PID1: variants seen among roughly 807,000 people sequenced by gnomAD.
The protein encoded by PID1 is PTB-containing, cubilin and LRP1-interacting protein.
PID1 carries 10 observed loss-of-function variants against 19.1 expected under a neutral mutation model. The ratio of observed to expected loss-of-function variants is 0.52; its 90% CI spans 0.32 to 0.89. The LOEUF is 0.89. Among genes scored for constraint, PID1 ranks in the 40% least tolerant of loss-of-function variants. PID1 has a pLI of 0.03. For missense variants in PID1, 248 were observed against 285.3 expected (o/e 0.87, Z 0.94); for synonymous variants, 130 against 116.0 (o/e 1.12, Z -0.78).
chr2:229,088,351 T>C (rs548558980), intron 2 of PID1, among the ~76,000 whole-genome samples: 1 of 152,092 alleles, frequency 6.6e-6, no homozygotes, highest in South Asian at 2.1e-4. Flanking sequence ...ATGCCTTAGA[T>C]AAGAAATCCC....
chr2:229,037,808 G>A (rs910196611), intron 2 of PID1, among the ~76,000 whole-genome samples: 3 of 152,082 alleles, frequency 2.0e-5, no homozygotes, highest in African/African-American at 4.8e-5. Context: ...GCTGAAAAGC[G>A]ACAGAAATTC....
At chr2:229,192,428 T>C (rs771209189) in intron 1 of PID1, among the ~76,000 whole-genome samples, 20 of 152,228 alleles carry the variant, frequency 1.3e-4, no homozygotes, top group Non-Finnish European at 2.8e-4. Context: ...ACTGTAGACC[T>C]TTGTGATCTC....
At chr2:229,236,977 TACACACACATACACACACACACAC>T (rs1171983168) in intron 1 of PID1, among the ~76,000 whole-genome samples, 2 of 56,666 alleles carry the variant, frequency 3.5e-5, no homozygotes, top group Non-Finnish European at 8.4e-5. Flanking sequence ...CCTTCTCCTT[TACACACACATACACACACACACAC>T]ACACACACAC....
At chr2:229,084,103 C>G (rs138299066) in intron 2 of PID1, among the ~76,000 whole-genome samples, 41 of 152,306 alleles carry the variant, frequency 2.7e-4, no homozygotes, top group African/African-American at 8.2e-4. Flanking sequence ...ATTCTGCTGG[C>G]TGACACAGTG....
intron 2 of PID1, among the ~76,000 whole-genome samples, chr2:229,132,330 T>C (rs138183799): frequency 7.9e-4 from 121 of 152,294 alleles, no homozygotes; most frequent in African/African-American, 2.7e-3. Context: ...ACTTACAGGA[T>C]GGGCTATCAC....
At chr2:229,073,718 T>C (rs902958469) in intron 2 of PID1, among the ~76,000 whole-genome samples, 5 of 152,220 alleles carry the variant, frequency 3.3e-5, no homozygotes, top group African/African-American at 7.2e-5. Flanking sequence ...TGAATTTAAC[T>C]AAAATTAAGT....
chr2:229,237,562 T>C (rs1179041470), intron 1 of PID1, among the ~76,000 whole-genome samples: 2 of 152,176 alleles, frequency 1.3e-5, no homozygotes, highest in East Asian at 1.9e-4. Context: ...AGCTGTTCAC[T>C]TGCTTCTAAT....
At chr2:229,188,564 CCT>C (rs1691183460) in intron 1 of PID1, among the ~76,000 whole-genome samples, 1 of 151,886 alleles carries the variant, frequency 6.6e-6, no homozygotes, top group Non-Finnish European at 1.5e-5. Flanking sequence ...ATAGTGAAAC[CCT>C]GTCTCTACTA....
At chr2:229,198,675 G>A (rs1213915045) in intron 1 of PID1, among the ~76,000 whole-genome samples, 1 of 151,984 alleles carries the variant, frequency 6.6e-6, no homozygotes, top group Non-Finnish European at 1.5e-5. Context: ...AAAATTCTAG[G>A]AGACGCCCTT....
intron 2 of PID1, among the ~76,000 whole-genome samples, chr2:229,073,952 G>C (rs1694508461): frequency 6.6e-6 from 1 of 152,182 alleles, no homozygotes; most frequent in South Asian, 2.1e-4. Context: ...TTGCCACACA[G>C]TTGTAAGAAA....
intron 1 of PID1, among the ~76,000 whole-genome samples, chr2:229,269,285 A>G (rs1690672917): frequency 6.6e-6 from 1 of 152,278 alleles, no homozygotes; most frequent in Non-Finnish European, 1.5e-5. Flanking sequence ...GGCTCACGCC[A>G]AAATGCACAC....
rs144355348 is a variant in PID1 at position 229,159,165 on chromosome 2, G to A, written c.31-3201C>T. 1.6e-3 allele frequency among the ~76,000 whole-genome samples: 243 copies of A among 152,234 alleles called. 1 individual carries two copies. The highest frequency in any genetic ancestry group is 5.1e-3 in the African/African-American group (212 of 41,562). On this transcript the variant is annotated intron_variant, in intron 1 of 2. Coordinates refer to ENST00000392055, the MANE Select transcript of PID1 (RefSeq NM_001100818.2). ...ATTCTCCATGATGTTATTATTGTGC[G>A]TTGCATGCCTGAATCAAAACAGCTC...
chr2:229,214,337 C>T (rs1691800402), intron 1 of PID1, among the ~76,000 whole-genome samples: 1 of 152,138 alleles, frequency 6.6e-6, no homozygotes, highest in African/African-American at 2.4e-5. Flanking sequence ...AGAGGATCCC[C>T]CATCCGGAGC....
chr2:229,082,725 A>G (rs1284163259), intron 2 of PID1, among the ~76,000 whole-genome samples: 2 of 152,198 alleles, frequency 1.3e-5, no homozygotes, highest in Non-Finnish European at 2.9e-5. Context: ...CAACTCTGCC[A>G]AAGATCTGAA....
chr2:229,058,098 G>A (rs1574593199), intron 2 of PID1, among the ~76,000 whole-genome samples: 1 of 152,178 alleles, frequency 6.6e-6, no homozygotes, highest in African/African-American at 2.4e-5. Context: ...TTCATGGCTT[G>A]CAAGGGGCTG....
intron 2 of PID1, among the ~76,000 whole-genome samples, chr2:229,103,224 C>T (rs563118813): frequency 6.6e-6 from 1 of 152,276 alleles, no homozygotes; most frequent in African/African-American, 2.4e-5. Flanking sequence ...AGATGACAGT[C>T]CCCAGTACCT....
intron 2 of PID1, among the ~76,000 whole-genome samples, chr2:229,108,825 G>A (rs895735193): frequency 6.6e-6 from 1 of 152,116 alleles, no homozygotes; most frequent in African/African-American, 2.4e-5. Context: ...TACTGCTGCT[G>A]AGAAGAATAA....
chr2:229,069,737 C>G (rs915871788), intron 2 of PID1, among the ~76,000 whole-genome samples: 2 of 152,196 alleles, frequency 1.3e-5, no homozygotes, highest in Non-Finnish European at 2.9e-5. Flanking sequence ...CATGTACAAA[C>G]AGGTGTCATC....
At chr2:229,209,325 C>A (rs1208111147) in intron 1 of PID1, among the ~76,000 whole-genome samples, 1 of 152,172 alleles carries the variant, frequency 6.6e-6, no homozygotes, top group East Asian at 1.9e-4. Context: ...GGGCACTCAT[C>A]TGGGCCACAA....
Sources: allele counts gnomAD v4.1 joint callset (sites outside exome capture counted in the v4.1 genomes callset), GRCh38; gene constraint gnomAD v4.1.1; transcripts MANE v1.5; gene names NCBI Gene and HGNC (gene_info 2026-07-23, HGNC 2026-07-21).